Variants in FAM153A observed in about 807,000 individuals in gnomAD.
FAM153A encodes the protein family with sequence similarity 153 member A.
A neutral mutation model predicts 48.1 loss-of-function variants in FAM153A; 12 were observed. That is an observed-to-expected ratio of 0.25 (90% CI 0.16 to 0.40). The LOEUF (loss-of-function observed/expected upper bound fraction) is 0.40. Among genes scored for constraint, FAM153A ranks in the 10% least tolerant of loss-of-function variants. The probability of loss-of-function intolerance (pLI) is 1.00; values close to 1 mark genes in which losing one functional copy is unlikely to be tolerated. For missense variants in FAM153A, 111 were observed against 345.8 expected (o/e 0.32, Z 5.38); for synonymous variants, 36 against 118.2 (o/e 0.30, Z 4.51).
intron 8 of FAM153A, among the ~76,000 whole-genome samples, 175 bp downstream of exon 10, chr5:177,740,602 G>A: frequency 8.6e-6 from 1 of 115,750 alleles, no homozygotes; most frequent in African/African-American, 2.9e-5. Context: ...TTTTTTTTGA[G>A]ATGAAATCTC....
chr5:177,704,777 A>G (rs1044766401), downstream of FAM153A, among the ~76,000 whole-genome samples: 1 of 151,568 alleles, frequency 6.6e-6, no homozygotes, highest in Non-Finnish European at 1.5e-5. Flanking sequence ...AGGCAGGTGG[A>G]TTTTCTGAGC....
chr5:177,776,650 G>A (rs1224802399), intron 1 of FAM153A, among the ~76,000 whole-genome samples: 6 of 57,586 alleles, frequency 1.0e-4, no homozygotes, highest in African/African-American at 4.6e-4. Context: ...CTCATGGGTA[G>A]GAAGAATCAA....
At chr5:177,764,721 C>T (rs1169491561) in intron 1 of FAM153A, among the ~76,000 whole-genome samples, 11 of 152,012 alleles carry the variant, frequency 7.2e-5, no homozygotes, top group South Asian at 2.1e-4. Context: ...GTAATGATTG[C>T]GAGGAACAAC....
downstream of FAM153A, among the ~76,000 whole-genome samples, chr5:177,709,257 C>CTTT (rs59687881): frequency 2.2e-4 from 26 of 116,362 alleles, no homozygotes; most frequent in African/African-American, 7.3e-4. Flanking sequence ...AAAAAGGAAT[C>CTTT]TTTTTTTTTT....
upstream of FAM153A, among the ~76,000 whole-genome samples, chr5:177,756,553 A>G (rs4249742): frequency 0.33 from 39,898 of 121,858 alleles, 6,668 homozygotes; most frequent in South Asian, 0.39. Flanking sequence ...GCACCACATC[A>G]CACTTATTCC....
chr5:177,734,887 C>T (rs1373874726), exon 13 of FAM153A: 1 of 1,492,974 alleles, frequency 6.7e-7, no homozygotes, highest in Non-Finnish European at 9.2e-7. Flanking sequence ...GGTCCTCCTC[C>T]TCACCGTTGT....
intron 2 of FAM153A, chr5:177,750,048 A>G (rs942362192): frequency 1.3e-5 from 2 of 149,250 alleles, no homozygotes; most frequent in Non-Finnish European, 3.0e-5. Flanking sequence ...CCAATGGACT[A>G]TTGTTCACTG....
At chr5:177,706,650 A>T (rs1029956048), downstream of FAM153A, 2 of 151,922 alleles carry the variant, frequency 1.3e-5, no homozygotes, top group Non-Finnish European at 2.9e-5. Context: ...GTTAACCAGG[A>T]CACACTATTT....
downstream of FAM153A, chr5:177,706,575 C>G (rs1181044325): frequency 6.6e-6 from 1 of 151,924 alleles, no homozygotes; most frequent in African/African-American, 2.4e-5. Flanking sequence ...CAAATCAAGA[C>G]AATTTTATTT....
intron 1 of FAM153A, among the ~76,000 whole-genome samples, chr5:177,752,639 A>C (rs1414854157): frequency 1.1e-5 from 1 of 88,922 alleles, no homozygotes; most frequent in Non-Finnish European, 2.3e-5. Flanking sequence ...AAAAAAAAAA[A>C]AAAGAAAAGT....
chr5:177,750,179 C>G (rs1483428470), intron 2 of FAM153A: 1 of 151,850 alleles, frequency 6.6e-6, no homozygotes, highest in Non-Finnish European at 1.5e-5. Context: ...CTATAAAATT[C>G]TGGAAAAGGA....
chr5:177,749,693 G>A (rs1401123837), intron 2 of FAM153A, among the ~76,000 whole-genome samples: 2 of 129,754 alleles, frequency 1.5e-5, no homozygotes, highest in African/African-American at 2.9e-5. Flanking sequence ...TAGCTTAGAT[G>A]AAATGGACAA....
At chr5:177,752,612 C>T (rs1211292606) in intron 1 of FAM153A, among the ~76,000 whole-genome samples, 1 of 75,892 alleles carries the variant, frequency 1.3e-5, no homozygotes, top group Non-Finnish European at 2.2e-5. Context: ...CAGAATGAGA[C>T]TCTGCCAAAA....
At chr5:177,700,244 G>C in the FAM153A span, among the ~76,000 whole-genome samples, 1 of 152,018 alleles carries the variant, frequency 6.6e-6, no homozygotes, top group South Asian at 2.1e-4. Context: ...TCATGCTTTA[G>C]GGTAAAAGAT....
At chr5:177,725,378 G>A (rs1169394630) in intron 18 of FAM153A, among the ~76,000 whole-genome samples, 9 of 141,762 alleles carry the variant, frequency 6.3e-5, no homozygotes, top group African/African-American at 2.0e-4. Flanking sequence ...GATGATGGCC[G>A]ATGTCACTTA....
downstream of FAM153A, chr5:177,723,207 G>A (rs537160793): frequency 5.9e-5 from 8 of 135,462 alleles, no homozygotes; most frequent in African/African-American, 1.0e-4. Flanking sequence ...CATCCCCACC[G>A]GACCTGTCTT....
chr5:177,696,873 G>A, the FAM153A span, among the ~76,000 whole-genome samples: 4 of 150,900 alleles, frequency 2.7e-5, no homozygotes, highest in African/African-American at 7.3e-5. Flanking sequence ...TTGAAATTAG[G>A]AACTGTAAGT....
intron 10 of FAM153A, among the ~76,000 whole-genome samples, chr5:177,738,041 T>C: frequency 6.6e-6 from 1 of 151,514 alleles, no homozygotes. Context: ...CGGGACCTGC[T>C]GCTGCTCATG....
At chr5:177,702,068 C>T in the FAM153A span, among the ~76,000 whole-genome samples, 19 of 151,802 alleles carry the variant, frequency 1.3e-4, no homozygotes, top group African/African-American at 3.6e-4. Context: ...CCATCACGCC[C>T]GGCTAATTTT....
Sources: gnomAD v4.1 joint callset for allele counts (sites outside exome capture counted in the v4.1 genomes callset) on GRCh38, gnomAD v4.1.1 for gene constraint, MANE v1.5 for transcripts, NCBI Gene and HGNC (gene_info 2026-07-23, HGNC 2026-07-21) for gene names.